The following UNC13C variants were observed in gnomAD, a reference collection of about 807,000 sequenced individuals.
The protein encoded by UNC13C is unc-13 homolog C, also known as protein unc-13 homolog C.
A neutral mutation model predicts 245.4 loss-of-function variants in UNC13C; 174 were observed. That is an observed-to-expected ratio of 0.71 (90% CI 0.63 to 0.80). The LOEUF (loss-of-function observed/expected upper bound fraction) is 0.80, where lower values mean the gene tolerates loss of function less well. Among genes scored for constraint, UNC13C ranks in the 30% least tolerant of loss-of-function variants. The pLI is 0.00. For synonymous variants in UNC13C, 992 were observed against 895.1 expected (o/e 1.11, Z -1.93); for missense variants, 2,829 against 2,602.9 (o/e 1.09, Z -1.89).
the UNC13C span, among the ~76,000 whole-genome samples, chr15:53,925,815 C>A: frequency 1.3e-5 from 2 of 152,156 alleles, no homozygotes; most frequent in Non-Finnish European, 2.9e-5. Flanking sequence ...AAAGATCTTC[C>A]TTGTTCGGAT....
the UNC13C span, among the ~76,000 whole-genome samples, chr15:53,868,743 T>C: frequency 6.6e-6 from 1 of 152,178 alleles, no homozygotes; most frequent in Non-Finnish European, 1.5e-5. Flanking sequence ...AAGTTAACTT[T>C]GAAGCAGGAG....
chr15:54,552,793 A>G (rs1208202065), intron 28 of UNC13C, among the ~76,000 whole-genome samples: 2 of 52,806 alleles, frequency 3.8e-5, no homozygotes, highest in Admixed American at 7.2e-4. Flanking sequence ...ATAATATATA[A>G]TATATTATAT....
At chr15:54,112,177 C>T (rs564082911) in intron 2 of UNC13C, among the ~76,000 whole-genome samples, 5 of 152,276 alleles carry the variant, frequency 3.3e-5, no homozygotes, top group Admixed American at 3.3e-4. Context: ...CATCATTCAT[C>T]TGGGATAATA....
chr15:54,493,488 C>A lies in UNC13C; in HGVS notation c.4934-1120C>A, dbSNP rs370960561. On this transcript the variant is annotated intron_variant, in intron 19 of 32. Transcript: ENST00000260323. ...GAAATGTTTGACCTGGGGTTGAGTT[C>A]TCTCTTATGTTCACGATTGGGATTT... 3.9e-5 allele frequency among the ~76,000 whole-genome samples: 6 copies of A among 152,184 alleles called. 1 individual carries two copies. Among genetic ancestry groups the A allele is most frequent in the Admixed American group, 1.3e-4 (2 of 15,276 alleles).
chr15:54,236,533 GA>G, intron 6 of UNC13C, 98 bp downstream of exon 6: 1 of 899,092 alleles, frequency 1.1e-6, no homozygotes, highest in Non-Finnish European at 1.7e-6. Flanking sequence ...ATGGAGAAAT[GA>G]AAAGACAGAC....
At chr15:54,010,701 AAG>A (rs1491232261) in intron 1 of UNC13C, among the ~76,000 whole-genome samples, 2 of 152,184 alleles carry the variant, frequency 1.3e-5, no homozygotes, top group African/African-American at 4.8e-5. Context: ...GATTTGAAAA[AAG>A]AGTCAAATTA....
intron 10 of UNC13C, among the ~76,000 whole-genome samples, chr15:54,280,807 A>T (rs191665080): frequency 1.1e-3 from 159 of 149,510 alleles, no homozygotes; most frequent in Middle Eastern, 3.5e-3. Flanking sequence ...TATACTTTTT[A>T]AAAAAATTGT....
intron 1 of UNC13C, among the ~76,000 whole-genome samples, chr15:54,011,521 C>T (rs779532483): frequency 3.9e-5 from 6 of 152,198 alleles, no homozygotes; most frequent in African/African-American, 1.4e-4. Flanking sequence ...TTTCCAAAGC[C>T]TTTTCTTCAC....
intron 10 of UNC13C, among the ~76,000 whole-genome samples, chr15:54,280,570 G>A (rs1389355456): frequency 6.7e-6 from 1 of 149,542 alleles, no homozygotes; most frequent in Non-Finnish European, 1.5e-5. Context: ...CCATATTTCT[G>A]AAAAACCCAT....
chr15:54,053,233 T>C (rs1897349666), intron 2 of UNC13C, among the ~76,000 whole-genome samples: 2 of 152,246 alleles, frequency 1.3e-5, no homozygotes, highest in Admixed American at 6.5e-5. Context: ...GGTTTCACCA[T>C]GTTGTTCAGG....
the UNC13C span, among the ~76,000 whole-genome samples, chr15:53,882,858 C>T: frequency 1.3e-5 from 2 of 152,198 alleles, no homozygotes; most frequent in South Asian, 4.2e-4. Context: ...TAAACTGCTT[C>T]TGGTCATTTT....
chr15:54,500,257 C>T, intron 21 of UNC13C, 82 bp downstream of exon 21: 1 of 1,014,240 alleles, frequency 9.9e-7, no homozygotes, highest in South Asian at 1.5e-5. Flanking sequence ...AATTATTAGA[C>T]TCATTGTTAT....
intron 19 of UNC13C, among the ~76,000 whole-genome samples, chr15:54,485,931 G>A (rs1435486831): frequency 1.3e-5 from 2 of 152,044 alleles, no homozygotes; most frequent in Non-Finnish European, 2.9e-5. Flanking sequence ...TATCAAAAAA[G>A]GCACTCCAGG....
chr15:54,111,136 AC>A (rs1009229201), intron 2 of UNC13C, among the ~76,000 whole-genome samples: 2 of 152,162 alleles, frequency 1.3e-5, no homozygotes, highest in Non-Finnish European at 2.9e-5. Flanking sequence ...TTATTCTTTC[AC>A]TTCTGACTTT....
At chr15:53,859,860 A>G in the UNC13C span, among the ~76,000 whole-genome samples, 1 of 151,712 alleles carries the variant, frequency 6.6e-6, no homozygotes, top group Non-Finnish European at 1.5e-5. Context: ...GGCTTGGGGG[A>G]TCTGTTTTCT....
At chr15:54,453,848 A>G (rs1056515329) in intron 19 of UNC13C, among the ~76,000 whole-genome samples, 1 of 152,208 alleles carries the variant, frequency 6.6e-6, no homozygotes. Flanking sequence ...TTACCATTTT[A>G]AAGTGTACAA....
At chr15:54,333,343 G>T (rs2038490105) in intron 15 of UNC13C, among the ~76,000 whole-genome samples, 1 of 151,670 alleles carries the variant, frequency 6.6e-6, no homozygotes, top group Non-Finnish European at 1.5e-5. Flanking sequence ...AAGTTTTTTT[G>T]TGACTAAAAG....
chr15:54,136,819 CTTCA>C (rs759770099), intron 2 of UNC13C, among the ~76,000 whole-genome samples: 196 of 148,828 alleles, frequency 1.3e-3, no homozygotes, highest in Non-Finnish European at 2.1e-3. Context: ...AATTTTCATC[CTTCA>C]TTCTTTTATT....
At chr15:53,929,152 A>T in the UNC13C span, among the ~76,000 whole-genome samples, 5,781 of 152,284 alleles carry the variant, frequency 0.038, 170 homozygotes, top group South Asian at 0.093. Context: ...CACATCTTAC[A>T]TGGTGGCAGG....
Sources: gnomAD v4.1 joint callset for allele counts (sites outside exome capture counted in the v4.1 genomes callset) on GRCh38, gnomAD v4.1.1 for gene constraint, MANE v1.5 for transcripts, NCBI Gene and HGNC (gene_info 2026-07-23, HGNC 2026-07-21) for gene names.